Variants in RELN observed in about 807,000 individuals in gnomAD.
The protein encoded by RELN is reelin.
Under a neutral mutation model 427.6 loss-of-function variants are expected in RELN, and 108 were observed. The observed-to-expected ratio is 0.25, with a 90% CI of 0.22 to 0.30. The LOEUF (loss-of-function observed/expected upper bound fraction) is 0.30, where lower values mean the gene tolerates loss of function less well. Among genes scored for constraint, RELN ranks in the 10% least tolerant of loss-of-function variants. The probability of loss-of-function intolerance (pLI) is 1.00; values close to 1 mark genes in which losing one functional copy is unlikely to be tolerated. For missense variants in RELN, 3,715 were observed against 4,302.8 expected (o/e 0.86, Z 3.82); for synonymous variants, 1,524 against 1,513.4 (o/e 1.01, Z -0.16).
intron 1 of RELN, among the ~76,000 whole-genome samples, chr7:103,918,811 T>A (rs1795546601): frequency 6.6e-6 from 1 of 152,248 alleles, no homozygotes; most frequent in Middle Eastern, 3.4e-3. Flanking sequence ...GTTGGCTATT[T>A]AAATATGTAA....
chr7:103,872,214 TC>T (rs1794362939), intron 2 of RELN, among the ~76,000 whole-genome samples: 1 of 66,182 alleles, frequency 1.5e-5, no homozygotes. Context: ...CCCTCCCCCC[TC>T]CCCCCACCCC....
At chr7:103,979,336 C>T (rs10244615) in intron 1 of RELN, among the ~76,000 whole-genome samples, 24,335 of 152,176 alleles carry the variant, frequency 0.16, 2,010 homozygotes, top group Middle Eastern at 0.29. Flanking sequence ...TATCACTAGA[C>T]ATGACACATG....
chr7:103,862,615 C>G (rs1179608109), intron 2 of RELN, among the ~76,000 whole-genome samples: 1 of 151,956 alleles, frequency 6.6e-6, no homozygotes, highest in Non-Finnish European at 1.5e-5. Context: ...TGATGGTTCC[C>G]ACTCGTATCT....
At chr7:103,739,309 T>A (rs1170714210) in intron 6 of RELN, among the ~76,000 whole-genome samples, 2 of 152,264 alleles carry the variant, frequency 1.3e-5, no homozygotes, top group Non-Finnish European at 2.9e-5. Context: ...AAAGTGTTAA[T>A]AAAATACGAC....
In RELN at chr7:103,652,622, G is replaced by C. The variant is rs777459026; in HGVS notation, c.1692C>G (p.Leu564=). The C allele has an allele frequency of 1.9e-6, 3 of 1,612,796 alleles. No individual in the cohort carries two copies. Among genetic ancestry groups the C allele is most frequent in the South Asian group, 2.2e-5 (2 of 91,068 alleles). Residue 564 remains leucine, a synonymous_variant, in exon 14 of 65, where the codon CTC becomes CTG. Coordinates refer to ENST00000428762, the MANE Select transcript of RELN (RefSeq NM_005045.4). ...AVDFFHVLPV[L]PSTMSHMIQF... is the part of the protein sequence containing the mutation. ...GTATCATGTGAGACATTGTAGAAGGGAGAACAGGCAAGACATGGAAAAAGT... is the reference window on the plus strand; with the variant it reads ...GTATCATGTGAGACATTGTAGAAGGCAGAACAGGCAAGACATGGAAAAAGT...
At chr7:103,639,396 TTCTC>T (rs1417735887) in intron 17 of RELN, among the ~76,000 whole-genome samples, 4 of 151,386 alleles carry the variant, frequency 2.6e-5, no homozygotes, top group South Asian at 2.1e-4. Context: ...TTTTTTCTTT[TTCTC>T]TCTTTTTTTT....
chr7:103,921,723 A>G (rs1795621174), intron 1 of RELN, among the ~76,000 whole-genome samples: 1 of 152,222 alleles, frequency 6.6e-6, no homozygotes, highest in Non-Finnish European at 1.5e-5. Context: ...TGTGGCCATA[A>G]CTAGTCCCTC....
chr7:103,518,090 C>G (rs1422816606), intron 49 of RELN, among the ~76,000 whole-genome samples: 1 of 152,038 alleles, frequency 6.6e-6, no homozygotes, highest in African/African-American at 2.4e-5. Flanking sequence ...ACAGGAGGAA[C>G]CTGGGTCACT....
intron 46 of RELN, 43 bp downstream of exon 46, chr7:103,535,273 C>T (rs771534417): frequency 1.3e-6 from 2 of 1,595,748 alleles, no homozygotes; most frequent in South Asian, 1.1e-5. Context: ...TTTGGGCTCA[C>T]TATACGTAGA....
At chr7:103,750,889 C>T (rs1790982158) in intron 5 of RELN, among the ~76,000 whole-genome samples, 1 of 152,016 alleles carries the variant, frequency 6.6e-6, no homozygotes, top group Admixed American at 6.6e-5. Context: ...TATTGAATAC[C>T]TATTTTTAAG....
intron 2 of RELN, among the ~76,000 whole-genome samples, chr7:103,838,622 A>C (rs39379): frequency 0.81 from 122,408 of 152,010 alleles, 49,341 homozygotes; most frequent in South Asian, 0.88. Context: ...AGCAGGGATC[A>C]GGTGTATGGA....
chr7:103,957,674 T>C (rs1796462283), intron 1 of RELN, among the ~76,000 whole-genome samples: 1 of 152,202 alleles, frequency 6.6e-6, no homozygotes, highest in Non-Finnish European at 1.5e-5. Context: ...CCAAGCCCTC[T>C]GCACTCCCCT....
chr7:103,924,644 T>C lies in RELN; in HGVS notation c.227-7459A>G, dbSNP rs1008167253. Among the ~76,000 whole-genome samples, 34 of 152,190 alleles carry C rather than the reference T, an allele frequency of 2.2e-4. 1 individual carries two copies. Among genetic ancestry groups the C allele is most frequent in the Middle Eastern group, 3.4e-3 (1 of 294 alleles). On this transcript the variant is annotated intron_variant, in intron 1 of 64. Coordinates refer to ENST00000428762, the MANE Select transcript of RELN (RefSeq NM_005045.4). ...CTAGAGGAGGGGTACAGCATCTCTG[T>C]GGAACGCTATTATGATATACTTATT...
chr7:103,610,074 A>G (rs1185291373), intron 22 of RELN, among the ~76,000 whole-genome samples: 2 of 152,216 alleles, frequency 1.3e-5, no homozygotes, highest in African/African-American at 4.8e-5. Context: ...ATCCTGAACC[A>G]GAAATCGTTT....
Position 103,809,446 on chromosome 7 carries a change from C to G in RELN, c.473+24091G>C, listed in dbSNP as rs147083966. Among the ~76,000 whole-genome samples the G allele has an allele frequency of 1.2e-3, 182 of 147,828 alleles. 2 individuals carry two copies. The highest frequency in any genetic ancestry group is 8.4e-3 in the Admixed American group (125 of 14,940). On this transcript the variant is annotated intron_variant, in intron 3 of 64. Transcript: ENST00000428762. ...TGTACCACCTGTGCTACAGGCCTCG[C>G]GAGCAGCCAGCCACCTCCAGGAGAG...
At position 103,489,872 on chromosome 7, in the gene RELN, C is replaced by T. The variant is rs114211457; in HGVS notation, c.9633G>A (p.Lys3211=). 8.9e-5 allele frequency: 144 copies of T among 1,614,186 alleles called. No individual in the cohort carries two copies. Among genetic ancestry groups the T allele is most frequent in the Non-Finnish European group, 1.1e-4 (131 of 1,180,034 alleles). Residue 3211 remains lysine, a synonymous_variant, in exon 60 of 65, where the codon AAG becomes AAA. Coordinates refer to ENST00000428762, the MANE Select transcript of RELN (RefSeq NM_005045.4). ...SSATQFRWIQ[K]GEETEKQSWA... Reference sequence around the variant, plus strand: ...AGCTTTGCTTCTCAGTTTCTTCTCCCTTCTGGATCCAGCGGAACTGTGTTG... The same window carrying T: ...AGCTTTGCTTCTCAGTTTCTTCTCCTTTCTGGATCCAGCGGAACTGTGTTG...
chr7:103,791,171 G>C (rs1465929312), intron 3 of RELN, among the ~76,000 whole-genome samples: 1 of 152,080 alleles, frequency 6.6e-6, no homozygotes, highest in Admixed American at 6.6e-5. Context: ...CTCTTAAGAT[G>C]GCAATACTAC....
chr7:103,795,487 C>G (rs558766828), intron 3 of RELN, among the ~76,000 whole-genome samples: 2 of 152,176 alleles, frequency 1.3e-5, no homozygotes, highest in South Asian at 4.1e-4. Flanking sequence ...AAAACTGTAA[C>G]AAAAAAGCCA....
intron 24 of RELN, among the ~76,000 whole-genome samples, chr7:103,602,633 A>G (rs1831699991): frequency 6.6e-6 from 1 of 152,126 alleles, no homozygotes; most frequent in Non-Finnish European, 1.5e-5. Context: ...TTGAACAATG[A>G]GAGAACATGG....
Sources: allele counts gnomAD v4.1 joint callset (sites outside exome capture counted in the v4.1 genomes callset), GRCh38; gene constraint gnomAD v4.1.1; transcripts MANE v1.5; gene names NCBI Gene and HGNC (gene_info 2026-07-23, HGNC 2026-07-21).